COQ8B: variants seen among roughly 807,000 people sequenced by gnomAD.
The protein encoded by COQ8B is coenzyme Q8B.
Under a neutral mutation model 62.0 loss-of-function variants are expected in COQ8B, and 44 were observed. The observed-to-expected ratio is 0.71, with a 90% CI of 0.56 to 0.91. The LOEUF is 0.91. COQ8B is among the 40% of genes least tolerant of loss of function. The probability of loss-of-function intolerance (pLI) is 0.00; values close to 1 mark genes in which losing one functional copy is unlikely to be tolerated. For missense variants in COQ8B, 649 were observed against 731.6 expected (o/e 0.89, Z 1.30); for synonymous variants, 252 against 289.9 (o/e 0.87, Z 1.33).
chr19:40,703,380 C>A, intron 9 of COQ8B, 161 bp downstream of exon 9: 3 of 718,858 alleles, frequency 4.2e-6, no homozygotes, highest in Non-Finnish European at 6.7e-6. Context: ...TGCTCATGCT[C>A]CCTGGGCTCT....
At chr19:40,692,577 T>A (rs2604880) in intron 14 of COQ8B, among the ~76,000 whole-genome samples, 1 of 151,684 alleles carries the variant, frequency 6.6e-6, no homozygotes, top group Non-Finnish European at 1.5e-5. Flanking sequence ...AAGCACCCCT[T>A]ACTTCCCTGC....
intron 14 of COQ8B, among the ~76,000 whole-genome samples, chr19:40,692,712 C>T (rs1330696974): frequency 6.6e-6 from 1 of 151,952 alleles, no homozygotes; most frequent in Non-Finnish European, 1.5e-5. Flanking sequence ...AGCCACCTCC[C>T]CCCACTCCTC....
intron 12 of COQ8B, among the ~76,000 whole-genome samples, chr19:40,697,974 G>A (rs934312252): frequency 3.3e-5 from 5 of 150,470 alleles, no homozygotes; most frequent in Admixed American, 6.6e-5. Flanking sequence ...CCAGCACTTC[G>A]GGAGGCCAAG....
intron 5 of COQ8B, among the ~76,000 whole-genome samples, chr19:40,706,054 C>T (rs950970402): frequency 6.6e-6 from 1 of 152,018 alleles, no homozygotes; most frequent in Non-Finnish European, 1.5e-5. Context: ...ACACAACAGC[C>T]CAGGTGGGTC....
At chr19:40,697,868 A>AGG (rs797009453) in intron 12 of COQ8B, among the ~76,000 whole-genome samples, 2 of 128,968 alleles carry the variant, frequency 1.6e-5, no homozygotes, top group African/African-American at 5.8e-5. Context: ...AGAGAGAGAG[A>AGG]GAGAGAGAGT....
At chr19:40,716,071 G>C (rs2082183355) in intron 1 of COQ8B, 1 of 152,228 alleles carries the variant, frequency 6.6e-6, no homozygotes, top group Non-Finnish European at 1.5e-5. Context: ...CCCGTACTGT[G>C]TGACCTCAGA....
At chr19:40,705,602 C>T (rs1217695278) in intron 5 of COQ8B, among the ~76,000 whole-genome samples, 155 bp from the exon 6 acceptor site, 4 of 152,152 alleles carry the variant, frequency 2.6e-5, no homozygotes, top group African/African-American at 9.7e-5. Context: ...CATCCTTTCT[C>T]TATTAAAAAA....
chr19:40,699,171 A>G (rs1185581391), intron 12 of COQ8B, among the ~76,000 whole-genome samples: 1 of 149,040 alleles, frequency 6.7e-6, no homozygotes, highest in Non-Finnish European at 1.5e-5. Flanking sequence ...CCTGTCACCC[A>G]GGTTGGAGTG....
rs1480489493 is a variant in COQ8B, at chr19:40,691,967, G to A, written c.*68C>T. On this transcript the variant is annotated 3_prime_UTR_variant, in exon 15 of 15. Transcript: ENST00000324464. ...GGGCTCCTCTGACCCAGGGCAGACGGGGAAGGGATAAGAGGCACTACAGCA... is the reference window on the plus strand; with the variant it reads ...GGGCTCCTCTGACCCAGGGCAGACGAGGAAGGGATAAGAGGCACTACAGCA... 2 of 1,412,268 alleles carry A rather than the reference G, an allele frequency of 1.4e-6. No homozygotes were observed. Among genetic ancestry groups the A allele is most frequent in the East Asian group, 2.6e-5 (1 of 38,794 alleles). The allele number at this position is 1,412,268 out of a possible 1,614,324, so 87.5% of individuals were successfully genotyped here.
rs148467157 is a variant in COQ8B at position 40,705,698 on chromosome 19, C to A, written c.368-251G>T. ...TTGGCTCGCGCCTATAATCCCAACA[C>A]TGGGAGGTCAATGCAGGAGGATGGC... On this transcript the variant is annotated intron_variant, in intron 5 of 14. Transcript: ENST00000324464. Among the ~76,000 whole-genome samples, 41 of 152,240 alleles carry A rather than the reference C, an allele frequency of 2.7e-4. 1 individual carries two copies. In the East Asian group the frequency reaches 7.9e-3, roughly 29 times the overall value.
chr19:40,709,321 CTCTT>C (rs2082123318), intron 5 of COQ8B, among the ~76,000 whole-genome samples: 1 of 152,168 alleles, frequency 6.6e-6, no homozygotes, highest in African/African-American at 2.4e-5. Flanking sequence ...CAAATAATGT[CTCTT>C]TCATCTGTTT....
intron 1 of COQ8B, chr19:40,715,285 C>T (rs2082177438): frequency 1.0e-6 from 1 of 985,988 alleles, no homozygotes; most frequent in Non-Finnish European, 1.2e-6. Context: ...GCTGAGGCAT[C>T]GCGGGAGCGC....
At chr19:40,703,048 G>A (rs1422715750) in intron 9 of COQ8B, among the ~76,000 whole-genome samples, 1 of 152,128 alleles carries the variant, frequency 6.6e-6, no homozygotes, top group Non-Finnish European at 1.5e-5. Flanking sequence ...CTGCACCCCA[G>A]TCCCTGGCAG....
chr19:40,710,176 G>T (rs773436022), intron 4 of COQ8B, 40 bp from the exon 5 acceptor site: 8 of 1,595,646 alleles, frequency 5.0e-6, no homozygotes, highest in Non-Finnish European at 6.9e-6. Context: ...CGTTTGCCTG[G>T]GGTGCCCCCA....
At chr19:40,712,799 A>G (rs2082152728) in intron 4 of COQ8B, among the ~76,000 whole-genome samples, 1 of 152,222 alleles carries the variant, frequency 6.6e-6, no homozygotes, top group Admixed American at 6.5e-5. Context: ...CCGGCTGTGT[A>G]ACCCAAAGTC....
At chr19:40,715,601 GT>G (rs1433006279) in intron 1 of COQ8B, 1 of 985,446 alleles carries the variant, frequency 1.0e-6, no homozygotes, top group East Asian at 1.1e-4. Context: ...CTTGCCAACT[GT>G]TTCCCGCTCA....
chr19:40,697,851 TAG>T (rs1290386996), intron 12 of COQ8B, among the ~76,000 whole-genome samples: 165 of 54,728 alleles, frequency 3.0e-3, no homozygotes, highest in Admixed American at 6.3e-3. Flanking sequence ...TATATATATA[TAG>T]AGAGAGAGAG....
chr19:40,705,826 A>T (rs963209720), intron 5 of COQ8B, among the ~76,000 whole-genome samples: 3 of 150,976 alleles, frequency 2.0e-5, no homozygotes, highest in Non-Finnish European at 3.0e-5. Flanking sequence ...GCTACTCAGG[A>T]GGCTGAGGCA....
chr19:40,705,749 C>A (rs1053974571), intron 5 of COQ8B, among the ~76,000 whole-genome samples: 13 of 152,140 alleles, frequency 8.5e-5, no homozygotes, highest in Admixed American at 3.9e-4. Context: ...CCAGACCAGC[C>A]TGGATAACAA....
Sources: gnomAD v4.1 joint callset for allele counts (sites outside exome capture counted in the v4.1 genomes callset) on GRCh38, gnomAD v4.1.1 for gene constraint, MANE v1.5 for transcripts, NCBI Gene and HGNC (gene_info 2026-07-23, HGNC 2026-07-21) for gene names.